The following GRHL2 variants were observed in gnomAD, a reference collection of about 807,000 sequenced individuals.
GRHL2 encodes grainyhead-like protein 2 homolog.
A neutral mutation model predicts 83.8 loss-of-function variants in GRHL2; 21 were observed. That is an observed-to-expected ratio of 0.25 (90% CI 0.18 to 0.36). The LOEUF (loss-of-function observed/expected upper bound fraction) is 0.36, where lower values mean the gene tolerates loss of function less well. GRHL2 is among the 10% of genes least tolerant of loss of function. The probability of loss-of-function intolerance (pLI) is 1.00; values close to 1 mark genes in which losing one functional copy is unlikely to be tolerated. For missense variants in GRHL2, 623 were observed against 781.8 expected (o/e 0.80, Z 2.42); for synonymous variants, 280 against 278.9 (o/e 1.00, Z -0.04).
At chr8:101,578,865 G>A (rs1051220346) in intron 7 of GRHL2, among the ~76,000 whole-genome samples, 5 of 152,224 alleles carry the variant, frequency 3.3e-5, no homozygotes, top group African/African-American at 1.2e-4. Context: ...GAGGCTCACT[G>A]TAGAAGACAA....
At chr8:101,670,186 T>A (rs1281264209), downstream of GRHL2, among the ~76,000 whole-genome samples, 5 of 152,218 alleles carry the variant, frequency 3.3e-5, no homozygotes, top group African/African-American at 1.2e-4. Flanking sequence ...CCCTAAGATC[T>A]GTTGGCTCGA....
intron 7 of GRHL2, among the ~76,000 whole-genome samples, chr8:101,596,535 C>G (rs1812395025): frequency 1.3e-5 from 2 of 152,224 alleles, no homozygotes; most frequent in Admixed American, 1.3e-4. Context: ...CTGGCCAAGA[C>G]AAGCAAAATA....
intron 14 of GRHL2, among the ~76,000 whole-genome samples, chr8:101,659,209 A>G (rs1042906588): frequency 6.6e-6 from 1 of 152,214 alleles, no homozygotes; most frequent in African/African-American, 2.4e-5. Context: ...AGCATTTTGG[A>G]ACATCTGCAG....
chr8:101,586,491 A>G (rs183112041), intron 7 of GRHL2, among the ~76,000 whole-genome samples: 7 of 152,232 alleles, frequency 4.6e-5, no homozygotes, highest in African/African-American at 1.4e-4. Flanking sequence ...CACTTGGGTA[A>G]GATCTTCTTA....
intron 14 of GRHL2, among the ~76,000 whole-genome samples, chr8:101,656,957 A>C (rs1791623266): frequency 6.6e-6 from 1 of 151,534 alleles, no homozygotes; most frequent in Non-Finnish European, 1.5e-5. Context: ...TGTTTCCCCT[A>C]AGGTGAAGAG....
Position 101,570,402 on chromosome 8 carries a change from AC to A in GRHL2, c.734+10del. Reference sequence around the variant, plus strand: ...GTATGATCAGACATCAAGGTGAGTTACCAGGAGATGCATCCTTAGAAACTGA... The same window carrying A: ...GTATGATCAGACATCAAGGTGAGTTACAGGAGATGCATCCTTAGAAACTGA... On this transcript the variant is annotated intron_variant, in intron 5 of 15. Coordinates refer to ENST00000646743, the MANE Select transcript of GRHL2 (RefSeq NM_024915.4). 6.2e-7 allele frequency: 1 copy of A among 1,609,620 alleles called. No homozygotes were observed. The highest frequency in any genetic ancestry group is 1.7e-5 in the Admixed American group (1 of 60,018).
At chr8:101,565,039 T>G (rs1364721755) in intron 4 of GRHL2, among the ~76,000 whole-genome samples, 1 of 152,190 alleles carries the variant, frequency 6.6e-6, no homozygotes, top group African/African-American at 2.4e-5. Context: ...CTAGATGCCA[T>G]TTATTGAGTT....
At chr8:101,606,589 G>A (rs1350513067) in intron 8 of GRHL2, among the ~76,000 whole-genome samples, 1 of 152,214 alleles carries the variant, frequency 6.6e-6, no homozygotes, top group Admixed American at 6.5e-5. Context: ...TTGATTTAAT[G>A]TCCCAGCACT....
intron 1 of GRHL2, among the ~76,000 whole-genome samples, chr8:101,521,723 T>C (rs1746795689): frequency 6.6e-6 from 1 of 152,226 alleles, no homozygotes; most frequent in Non-Finnish European, 1.5e-5. Flanking sequence ...CATGATAAGA[T>C]TTTTTATTAC....
intron 4 of GRHL2, among the ~76,000 whole-genome samples, chr8:101,559,156 G>A (rs760019812): frequency 6.6e-6 from 1 of 151,964 alleles, no homozygotes; most frequent in African/African-American, 2.4e-5. Flanking sequence ...ATCTTTTCTA[G>A]TTTGTAACCT....
chr8:101,615,217 A>G (rs1451659650), intron 8 of GRHL2, among the ~76,000 whole-genome samples: 2 of 152,296 alleles, frequency 1.3e-5, no homozygotes, highest in African/African-American at 4.8e-5. Context: ...GTATTATAGC[A>G]TATTGCCAGT....
At chr8:101,655,254 C>A (rs1481795436) in intron 14 of GRHL2, among the ~76,000 whole-genome samples, 1 of 151,978 alleles carries the variant, frequency 6.6e-6, no homozygotes, top group Non-Finnish European at 1.5e-5. Flanking sequence ...AATGCAAGTG[C>A]AGCAGCATGA....
At chr8:101,495,956 G>A (rs980313358) in intron 1 of GRHL2, among the ~76,000 whole-genome samples, 2 of 152,090 alleles carry the variant, frequency 1.3e-5, no homozygotes, top group Non-Finnish European at 2.9e-5. Flanking sequence ...TGACCAGCCT[G>A]ATCAACATAG....
chr8:101,610,799 C>G (rs1321846350), intron 8 of GRHL2, among the ~76,000 whole-genome samples: 1 of 150,678 alleles, frequency 6.6e-6, no homozygotes, highest in Non-Finnish European at 1.5e-5. Context: ...ATAATCGAAC[C>G]CAGGTTTGAC....
At chr8:101,649,793 T>G (rs144648687) in intron 14 of GRHL2, among the ~76,000 whole-genome samples, 2 of 152,300 alleles carry the variant, frequency 1.3e-5, no homozygotes, top group African/African-American at 4.8e-5. Flanking sequence ...TGAAACCGAA[T>G]TAGATATGAT....
chr8:101,539,396 A>G (rs1452400587), intron 1 of GRHL2, among the ~76,000 whole-genome samples: 1 of 152,068 alleles, frequency 6.6e-6, no homozygotes, highest in Admixed American at 6.5e-5. Flanking sequence ...GAGGTTCCAA[A>G]TCCTCTGTTT....
chr8:101,494,506 C>T (rs1225834858), intron 1 of GRHL2, among the ~76,000 whole-genome samples: 1 of 152,118 alleles, frequency 6.6e-6, no homozygotes, highest in Non-Finnish European at 1.5e-5. Flanking sequence ...AGCTCCTCCC[C>T]ATATCTCTCT....
At chr8:101,618,312 C>T (rs1812895442) in intron 8 of GRHL2, among the ~76,000 whole-genome samples, 4 of 152,128 alleles carry the variant, frequency 2.6e-5, no homozygotes, top group Admixed American at 2.6e-4. Flanking sequence ...TTTTGTTGGT[C>T]AGCACTGTAA....
At chr8:101,635,095 C>T (rs1035295246) in intron 11 of GRHL2, among the ~76,000 whole-genome samples, 3 of 152,168 alleles carry the variant, frequency 2.0e-5, no homozygotes, top group African/African-American at 7.2e-5. Context: ...CTCTCACACA[C>T]TCAAAAACCA....
Sources: gnomAD v4.1 joint callset for allele counts (sites outside exome capture counted in the v4.1 genomes callset) on GRCh38, gnomAD v4.1.1 for gene constraint, MANE v1.5 for transcripts, NCBI Gene and HGNC (gene_info 2026-07-23, HGNC 2026-07-21) for gene names.